The following KLHL32 variants were observed in gnomAD, a reference collection of about 807,000 sequenced individuals.
The protein encoded by KLHL32 is kelch like family member 32.
In KLHL32, 35 loss-of-function variants were observed where a neutral mutation model predicts 64.8. The ratio of observed to expected loss-of-function variants is 0.54; its 90% CI spans 0.41 to 0.72. The LOEUF is 0.72. KLHL32 is among the 30% of genes least tolerant of loss of function. The probability of loss-of-function intolerance (pLI) is 0.00; values close to 1 mark genes in which losing one functional copy is unlikely to be tolerated. For missense variants in KLHL32, 589 were observed against 768.5 expected (o/e 0.77, Z 2.76); for synonymous variants, 259 against 281.0 (o/e 0.92, Z 0.78).
chr6:97,081,277 C>G (rs1435415874), intron 5 of KLHL32, among the ~76,000 whole-genome samples: 2 of 152,068 alleles, frequency 1.3e-5, no homozygotes, highest in Non-Finnish European at 2.9e-5. Context: ...TCCATGGGTT[C>G]ACGAGTGTAG....
chr6:96,994,310 C>T (rs927562561), intron 3 of KLHL32, among the ~76,000 whole-genome samples: 1 of 152,024 alleles, frequency 6.6e-6, no homozygotes, highest in Non-Finnish European at 1.5e-5. Flanking sequence ...CATAAAGGCT[C>T]AATAAATATT....
At chr6:96,906,632 A>G in the KLHL32 span, among the ~76,000 whole-genome samples, 1 of 152,188 alleles carries the variant, frequency 6.6e-6, no homozygotes, top group Non-Finnish European at 1.5e-5. Flanking sequence ...TCTTAGGGAT[A>G]TCTATTTAAT....
chr6:97,129,476 A>G (rs542926772), intron 8 of KLHL32, among the ~76,000 whole-genome samples: 2 of 152,290 alleles, frequency 1.3e-5, no homozygotes, highest in Admixed American at 1.3e-4. Flanking sequence ...TCTTCATTTA[A>G]TTTTACAATG....
At chr6:96,958,026 T>A (rs1562191649) in intron 1 of KLHL32, among the ~76,000 whole-genome samples, 1 of 152,206 alleles carries the variant, frequency 6.6e-6, no homozygotes, top group East Asian at 1.9e-4. Context: ...TTTAAAACAG[T>A]GAGCAAGATA....
chr6:97,103,338 T>C (rs1795979565), intron 6 of KLHL32, among the ~76,000 whole-genome samples: 2 of 151,824 alleles, frequency 1.3e-5, no homozygotes, highest in African/African-American at 4.8e-5. Flanking sequence ...CTCAGCCTCC[T>C]GAGCAGCTGG....
In KLHL32 at chr6:97,064,620, CAAA is replaced by C; in HGVS notation, c.313-6_313-4del. 1.2e-6 allele frequency: 2 copies of C among 1,610,652 alleles called. No individual in the cohort carries two copies. Among genetic ancestry groups the C allele is most frequent in the Non-Finnish European group, 1.7e-6 (2 of 1,177,242 alleles). ...TGATAGTTTTATTTTTGTTAACAAACAAAACAGATTTTGCTGGAGCCAGGTGTG... is the reference window on the plus strand; with the variant it reads ...TGATAGTTTTATTTTTGTTAACAAACACAGATTTTGCTGGAGCCAGGTGTG... On this transcript the variant is annotated splice_region_variant and splice_polypyrimidine_tract_variant and intron_variant, in intron 4 of 10. Transcript: ENST00000369261.
chr6:97,012,335 T>A (rs1250756667), intron 3 of KLHL32, among the ~76,000 whole-genome samples: 4 of 152,154 alleles, frequency 2.6e-5, no homozygotes, highest in Non-Finnish European at 4.4e-5. Context: ...AGAGTCACAG[T>A]CAGAGGAGTC....
intron 3 of KLHL32, chr6:97,024,988 T>C (rs1301762821): frequency 1.0e-6 from 1 of 984,914 alleles, no homozygotes; most frequent in Non-Finnish European, 1.2e-6. Flanking sequence ...GCTTATTTGA[T>C]CTCAGGTATA....
intron 1 of KLHL32, among the ~76,000 whole-genome samples, chr6:96,953,230 T>C (rs1582458845): frequency 6.6e-6 from 1 of 152,244 alleles, no homozygotes; most frequent in South Asian, 2.1e-4. Flanking sequence ...ATAATGTATG[T>C]GAGAACTTAC....
intron 6 of KLHL32, among the ~76,000 whole-genome samples, chr6:97,111,572 C>T (rs1008392584): frequency 2.0e-4 from 31 of 152,178 alleles, no homozygotes; most frequent in African/African-American, 7.5e-4. Flanking sequence ...GCAGGCCCCA[C>T]CACAGCATCT....
rs1204813400 is a variant in KLHL32, at chr6:96,990,554, G to GTTTAT, written c.204+14378_204+14379insTTATT. 3.3e-5 allele frequency among the ~76,000 whole-genome samples: 5 copies of GTTTAT among 152,306 alleles called. No homozygotes were observed. In the East Asian group the frequency reaches 7.7e-4, roughly 24 times the overall value. ...CAGATCTTGGATTGGCACTCCCAGG[G>GTTTAT]TGCACACTGCAGCTCTGGGGTGAGC... is the stretch of plus-strand genomic sequence containing the variant. On this transcript the variant is annotated intron_variant, in intron 3 of 10. Transcript: ENST00000369261.
intron 3 of KLHL32, among the ~76,000 whole-genome samples, chr6:97,019,210 C>T (rs1232800110): frequency 1.3e-5 from 2 of 152,108 alleles, no homozygotes; most frequent in East Asian, 1.9e-4. Flanking sequence ...AAAAAAGCAG[C>T]GTTCTTAATA....
In KLHL32 at chr6:97,072,993, A is replaced by G. The variant is rs376467895; in HGVS notation, c.411+8267A>G. 1.5e-4 allele frequency among the ~76,000 whole-genome samples: 23 copies of G among 152,286 alleles called. 1 individual carries two copies. The highest frequency in any genetic ancestry group is 5.3e-4 in the African/African-American group (22 of 41,566). On this transcript the variant is annotated intron_variant, in intron 5 of 10. Coordinates refer to ENST00000369261, the MANE Select transcript of KLHL32 (RefSeq NM_052904.4). ...CCTATATACAGTCTACCTTTTAGGGATGTTGAAGGATTCAATGAGATAGTG... is the reference window on the plus strand; with the variant it reads ...CCTATATACAGTCTACCTTTTAGGGGTGTTGAAGGATTCAATGAGATAGTG...
At chr6:97,123,656 TG>T (rs1798593312) in intron 7 of KLHL32, among the ~76,000 whole-genome samples, 1 of 152,204 alleles carries the variant, frequency 6.6e-6, no homozygotes, top group South Asian at 2.1e-4. Context: ...TAATGACAGA[TG>T]TATCTATAGA....
intron 3 of KLHL32, chr6:96,994,712 A>G (rs370569677): frequency 8.1e-6 from 7 of 860,514 alleles, no homozygotes; most frequent in East Asian, 1.2e-4. Flanking sequence ...TTTAAAAGAA[A>G]GTGAAAAAAC....
At chr6:97,076,210 G>A (rs1791568566) in intron 5 of KLHL32, among the ~76,000 whole-genome samples, 1 of 152,146 alleles carries the variant, frequency 6.6e-6, no homozygotes. Context: ...AGAAATGACA[G>A]CTATGGTTTT....
chr6:97,041,548 T>C lies in KLHL32; in HGVS notation c.261T>C (p.Gly87=), dbSNP rs770315864. The change falls in exon 4 of 11, where the codon GGT becomes GGC. Residue 87 remains glycine, a synonymous_variant. Transcript: ENST00000369261. ...ESGADEVNLH[G]VTSLGLKQAL... is the part of the protein sequence containing the mutation. ...GAGCTGATGAGGTTAATTTGCACGG[T>C]GTGACCAGCCTTGGCTTAAAGCAGG... is the stretch of plus-strand genomic sequence containing the variant. The C allele has an allele frequency of 1.9e-6, 3 of 1,613,986 alleles. No individual in the cohort carries two copies. Among genetic ancestry groups the C allele is most frequent in the Non-Finnish European group, 2.5e-6 (3 of 1,179,862 alleles).
intron 7 of KLHL32, among the ~76,000 whole-genome samples, chr6:97,121,207 T>G (rs1218743706): frequency 1.3e-5 from 2 of 152,238 alleles, no homozygotes; most frequent in East Asian, 3.9e-4. Context: ...AGAGTTAGAA[T>G]TTGAACTCTG....
rs1013737444 is a variant in KLHL32 at position 97,140,254 on chromosome 6, A to C, written c.*972A>C. The C allele has an allele frequency of 6.6e-6, 1 of 152,124 alleles. No individual in the cohort carries two copies. Among genetic ancestry groups the C allele is most frequent in the African/African-American group, 2.4e-5 (1 of 41,452 alleles). The allele number at this position is 152,124 out of a possible 1,614,324, so 9.4% of individuals were successfully genotyped here. ...GTAACTCTCAGATGTCTTATTTAAAATCATTTAGTGAAAAATGACATTTAA... is the reference window on the plus strand; with the variant it reads ...GTAACTCTCAGATGTCTTATTTAAACTCATTTAGTGAAAAATGACATTTAA... On this transcript the variant is annotated 3_prime_UTR_variant, in exon 11 of 11. Coordinates refer to ENST00000369261, the MANE Select transcript of KLHL32 (RefSeq NM_052904.4).
Sources: allele counts gnomAD v4.1 joint callset (sites outside exome capture counted in the v4.1 genomes callset), GRCh38; gene constraint gnomAD v4.1.1; transcripts MANE v1.5; gene names NCBI Gene and HGNC (gene_info 2026-07-23, HGNC 2026-07-21).